The following CYP19A1 variants were observed in gnomAD, a reference collection of about 807,000 sequenced individuals.
CYP19A1 encodes cytochrome P450 family 19 subfamily A member 1.
In CYP19A1, 32 loss-of-function variants were observed where a neutral mutation model predicts 44.4. The observed-to-expected ratio is 0.72, with a 90% CI of 0.54 to 0.97. The LOEUF is 0.97. Among genes scored for constraint, CYP19A1 ranks in the 50% least tolerant of loss-of-function variants. The pLI is 0.00. For synonymous variants in CYP19A1, 212 were observed against 215.6 expected (o/e 0.98, Z 0.14); for missense variants, 598 against 637.8 (o/e 0.94, Z 0.67).
At chr15:51,284,623 A>G (rs2035637320) in intron 1 of CYP19A1, among the ~76,000 whole-genome samples, 1 of 152,244 alleles carries the variant, frequency 6.6e-6, no homozygotes. Flanking sequence ...CCAGGAATAT[A>G]AGACACTGCA....
intron 1 of CYP19A1, among the ~76,000 whole-genome samples, chr15:51,334,735 G>A (rs2036750933): frequency 6.6e-6 from 1 of 152,228 alleles, no homozygotes; most frequent in South Asian, 2.1e-4. Flanking sequence ...TCAGGTGGTT[G>A]ATGTGGTAGA....
chr15:51,299,724 T>C (rs2140999807), intron 1 of CYP19A1, among the ~76,000 whole-genome samples: 1 of 152,352 alleles, frequency 6.6e-6, no homozygotes, highest in South Asian at 2.1e-4. Flanking sequence ...TTCTGGCTTA[T>C]CCTAGCTTCG....
At chr15:51,255,019 A>G (rs2141151099) in intron 1 of CYP19A1, among the ~76,000 whole-genome samples, 2 of 152,262 alleles carry the variant, frequency 1.3e-5, no homozygotes, top group African/African-American at 4.8e-5. Context: ...ATGTAACAGA[A>G]AACCCTCCAG....
intron 3 of CYP19A1, among the ~76,000 whole-genome samples, chr15:51,234,428 T>A (rs748111585): frequency 2.6e-5 from 4 of 152,086 alleles, no homozygotes; most frequent in Non-Finnish European, 4.4e-5. Flanking sequence ...GTTTCCTAAT[T>A]AAGACTAGCG....
intron 1 of CYP19A1, chr15:51,243,198 A>G (rs2033881071): frequency 2.4e-6 from 1 of 409,616 alleles, no homozygotes; most frequent in Non-Finnish European, 4.6e-6. Context: ...TTGGTCTGAT[A>G]GAACCTTATC....
At chr15:51,335,699 T>C (rs1042380753) in intron 1 of CYP19A1, among the ~76,000 whole-genome samples, 3 of 152,188 alleles carry the variant, frequency 2.0e-5, no homozygotes, top group African/African-American at 7.2e-5. Context: ...ACTGCAAGTC[T>C]TGGCAGTAAA....
At position 51,222,514 on chromosome 15, in the gene CYP19A1, G is replaced by A. The variant is rs760572474; in HGVS notation, c.463C>T (p.Pro155Ser). The A allele has an allele frequency of 1.9e-6, 3 of 1,613,580 alleles. No individual in the cohort carries two copies. Among genetic ancestry groups the A allele is most frequent in the Non-Finnish European group, 2.5e-6 (3 of 1,179,684 alleles). ...RPFFMKALSG[P>S]GLVRMVTVCA... is the part of the protein sequence containing the mutation. Reference sequence around the variant, plus strand: ...ACTGTGACCATACGAACAAGGCCGGGGCCTGACAGAGCTGCAGAGTACACA... The same window carrying A: ...ACTGTGACCATACGAACAAGGCCGGAGCCTGACAGAGCTGCAGAGTACACA... The change falls in exon 5 of 10, where the codon CCC becomes TCC. Residue 155 changes from proline to serine, a missense_variant. Transcript: ENST00000396402.
intron 1 of CYP19A1, among the ~76,000 whole-genome samples, chr15:51,268,335 G>A (rs979937762): frequency 6.6e-6 from 1 of 152,120 alleles, no homozygotes; most frequent in Non-Finnish European, 1.5e-5. Flanking sequence ...GAATTCTATT[G>A]TCATAATCAA....
intron 1 of CYP19A1, chr15:51,318,719 CTT>C (rs1386922351): frequency 1.3e-5 from 2 of 152,204 alleles, no homozygotes; most frequent in African/African-American, 2.4e-5. Flanking sequence ...ATCAAGGACA[CTT>C]TGTTTTTTGT....
intron 1 of CYP19A1, among the ~76,000 whole-genome samples, chr15:51,252,113 A>T (rs2034335531): frequency 6.6e-6 from 1 of 152,128 alleles, no homozygotes; most frequent in East Asian, 1.9e-4. Context: ...AGGTATGCAG[A>T]GATACACTGA....
At chr15:51,301,637 C>T (rs1322159680) in intron 1 of CYP19A1, among the ~76,000 whole-genome samples, 1 of 149,148 alleles carries the variant, frequency 6.7e-6, no homozygotes, top group Non-Finnish European at 1.5e-5. Flanking sequence ...TGGCCTGGGT[C>T]TTCTGCTCGT....
intron 2 of CYP19A1, 69 bp from the exon 3 acceptor site, chr15:51,237,078 C>T: frequency 6.4e-7 from 1 of 1,558,292 alleles, no homozygotes; most frequent in Non-Finnish European, 8.8e-7. Context: ...TTGTGTTACT[C>T]CTGTTTTTGT....
rs533492629 is a variant in CYP19A1, at chr15:51,219,967, C to T, written c.629-1312G>A. 1.9e-4 allele frequency among the ~76,000 whole-genome samples: 29 copies of T among 152,272 alleles called. 1 individual carries two copies. Among genetic ancestry groups the T allele is most frequent in the African/African-American group, 6.7e-4 (28 of 41,546 alleles). ...GATTGTGGGCTCCCATCCAAATGGC[C>T]ATCAGATGAAGTGTCTCCAGCTCTT... is the stretch of plus-strand genomic sequence containing the variant. On this transcript the variant is annotated intron_variant, in intron 5 of 9. Transcript: ENST00000396402.
intron 1 of CYP19A1, among the ~76,000 whole-genome samples, chr15:51,279,533 G>A (rs1354871850): frequency 1.3e-5 from 2 of 152,180 alleles, no homozygotes; most frequent in Non-Finnish European, 2.9e-5. Context: ...AGTGGGATGT[G>A]GCTAAGGCTC....
intron 1 of CYP19A1, among the ~76,000 whole-genome samples, chr15:51,300,186 TC>T (rs2036082773): frequency 1.3e-5 from 2 of 152,126 alleles, no homozygotes; most frequent in Admixed American, 1.3e-4. Context: ...TTCATAGAAA[TC>T]CATTAAAAGG....
At chr15:51,317,656 C>T (rs2036452481) in intron 1 of CYP19A1, among the ~76,000 whole-genome samples, 1 of 152,160 alleles carries the variant, frequency 6.6e-6, no homozygotes, top group Non-Finnish European at 1.5e-5. Flanking sequence ...TATGGCAGAA[C>T]CATGTGGGCA....
intron 1 of CYP19A1, among the ~76,000 whole-genome samples, chr15:51,327,132 ATG>A (rs2141027298): frequency 6.6e-6 from 1 of 152,368 alleles, no homozygotes; most frequent in African/African-American, 2.4e-5. Flanking sequence ...AAGAATAAAC[ATG>A]AGTAACATTT....
chr15:51,311,277 A>G (rs1260447777), intron 1 of CYP19A1, among the ~76,000 whole-genome samples: 1 of 152,266 alleles, frequency 6.6e-6, no homozygotes, highest in African/African-American at 2.4e-5. Context: ...AATAGAAATT[A>G]TATAAAAGAA....
chr15:51,300,681 T>C (rs558411493), intron 1 of CYP19A1, among the ~76,000 whole-genome samples: 1 of 152,190 alleles, frequency 6.6e-6, no homozygotes, highest in South Asian at 2.1e-4. Flanking sequence ...AACCCTATAC[T>C]GGGAACCAGC....
Sources: gnomAD v4.1 joint callset for allele counts (sites outside exome capture counted in the v4.1 genomes callset) on GRCh38, gnomAD v4.1.1 for gene constraint, MANE v1.5 for transcripts, NCBI Gene and HGNC (gene_info 2026-07-23, HGNC 2026-07-21) for gene names.